Variants in ABCB6 observed in about 807,000 individuals in gnomAD.
ABCB6 encodes ATP-binding cassette sub-family B member 6.
In ABCB6, 87 loss-of-function variants were observed where a neutral mutation model predicts 99.4. The observed-to-expected ratio is 0.88, with a 90% CI of 0.74 to 1.05. ABCB6 has a LOEUF of 1.05. Among genes scored for constraint, ABCB6 ranks in the 50% least tolerant of loss-of-function variants. The pLI is 0.00. For missense variants in ABCB6, 1,050 were observed against 1,097.9 expected, an observed-to-expected ratio of 0.96 and a Z score of 0.62; for synonymous variants, 482 against 447.5, an observed-to-expected ratio of 1.08 and a Z score of -0.97.
In ABCB6 at chr2:219,212,414, GAT is replaced by G; in HGVS notation, c.1939_1940del (p.Ile647ProfsTer30). On this transcript the variant is annotated frameshift_variant, in exon 14 of 19. Transcript: ENST00000265316. LOFTEE classifies it high-confidence loss of function. Reference protein sequence around the residue: ...FRFYDISSGCIRIDGQDISQV... With the variant: ...FRFYDISSGCXRIDGQDISQV... ...GTGAAATGTCCTGCCCATCTATTCGGATGCAGCCAGAGCTGATGTCGTAGAAG... is the reference window on the plus strand; with the variant it reads ...GTGAAATGTCCTGCCCATCTATTCGGGCAGCCAGAGCTGATGTCGTAGAAG... 1 of 1,614,144 alleles carries G rather than the reference GAT, an allele frequency of 6.2e-7. No individual in the cohort carries two copies. Among genetic ancestry groups the G allele is most frequent in the Non-Finnish European group, 8.5e-7 (1 of 1,180,034 alleles).
rs748434043 is a variant in ABCB6, at chr2:219,212,526, A to C, written c.1864-35T>G. ...TGGAAATGGGAAAAATCTCAGGCCCACTGGCTTTTTTTTTGAGACCGAATC... is the reference window on the plus strand; with the variant it reads ...TGGAAATGGGAAAAATCTCAGGCCCCCTGGCTTTTTTTTTGAGACCGAATC... On this transcript the variant is annotated intron_variant, in intron 13 of 18. Transcript: ENST00000265316. 209 of 1,563,156 alleles carry C rather than the reference A, an allele frequency of 1.3e-4. No individual in the cohort carries two copies. The South Asian group carries it at 1.8e-3, about 13-fold the overall frequency.
chr2:219,216,414 G>C lies in ABCB6; in HGVS notation c.920C>G (p.Thr307Ser), dbSNP rs139745068. 5 of 1,614,076 alleles carry C rather than the reference G, an allele frequency of 3.1e-6. No homozygotes were observed. Among genetic ancestry groups the C allele is most frequent in the Non-Finnish European group, 3.4e-6 (4 of 1,179,982 alleles). Residue 307 changes from threonine (T) to serine (S), a missense_variant, in exon 4 of 19, where the codon ACC becomes AGC. Coordinates refer to ENST00000265316, the MANE Select transcript of ABCB6 (RefSeq NM_005689.4). This position sits in a 1 kb window ranked among gnomAD's most constrained non-coding sequence, Gnocchi z 4.2. ...APWNSLAWTV[T>S]SYVFLKFLQG... is the part of the protein sequence containing the mutation. ...GAGGAACTTGAGGAAGACGTAACTG[G>C]TAACAGTCCAGGCCAGAGAGTTCCA...
chr2:219,213,584 G>C lies in ABCB6; in HGVS notation c.1655+6C>G, dbSNP rs757232574. ...CTGGACAGGTGAGGGCCAGGGCTCA[G>C]ATTACCTGTAGTAGGTGCCAAACCA... On this transcript the variant is annotated splice_donor_region_variant and intron_variant, in intron 10 of 18. Transcript: ENST00000265316. The C allele has an allele frequency of 6.2e-7, 1 of 1,614,176 alleles. No homozygotes were observed. The highest frequency in any genetic ancestry group is 8.5e-7 in the Non-Finnish European group (1 of 1,180,024).
chr2:219,217,674 C>T lies in ABCB6; in HGVS notation c.683G>A (p.Ser228Asn), dbSNP rs1278660161. 1 of 1,599,400 alleles carries T rather than the reference C, an allele frequency of 6.3e-7. No homozygotes were observed. ...AAAAAAGAAACTGAGGTGTACCTGG[C>T]TCCTTTCCACATCTTGGTCCTCTTC... ...VHEEDQDVER[S>N]QVRSAAQQST... is the part of the protein sequence containing the mutation. Residue 228 changes from serine to asparagine, a missense_variant, in exon 2 of 19, where the codon AGC (serine) becomes AAC (asparagine). Physicochemically the swap from Ser to Asn is conservative, Grantham distance 46 (BLOSUM62 1). Coordinates refer to ENST00000265316, the MANE Select transcript of ABCB6 (RefSeq NM_005689.4).
chr2:219,215,902 C>T, intron 5 of ABCB6, 95 bp downstream of exon 5: 1 of 1,330,770 alleles, frequency 7.5e-7, no homozygotes, highest in South Asian at 1.7e-5. Context: ...GGAGCGGCAG[C>T]TTCTCAGGCG....
intron 13 of ABCB6, 32 bp from the exon 14 acceptor site, chr2:219,212,523 C>G (rs769024597): frequency 3.7e-5 from 58 of 1,577,136 alleles, no homozygotes; most frequent in Non-Finnish European, 1.8e-5. Flanking sequence ...AAATCTCAGG[C>G]CCACTGGCTT....
At chr2:219,214,613 C>T in intron 6 of ABCB6, 115 bp from the exon 7 acceptor site, 1 of 789,008 alleles carries the variant, frequency 1.3e-6, no homozygotes, top group Non-Finnish European at 2.1e-6. Context: ...AGCCCGGACA[C>T]CCAGATTCCA....
chr2:219,216,343 T>C lies in ABCB6; in HGVS notation c.970+21A>G, dbSNP rs1574815930. On this transcript the variant is annotated intron_variant, in intron 4 of 18. Transcript: ENST00000265316. This position sits in a 1 kb window ranked among gnomAD's most constrained non-coding sequence, Gnocchi z 4.2. ...TGGGAGGGACCTATACCTAGCAGGG[T>C]GAGGGCGGAGTCTCTCATACCTGTA... The C allele has an allele frequency of 1.2e-6, 2 of 1,607,350 alleles. No individual in the cohort carries two copies. Among genetic ancestry groups the C allele is most frequent in the Non-Finnish European group, 8.5e-7 (1 of 1,174,034 alleles).
intron 8 of ABCB6, 77 bp from the exon 9 acceptor site, chr2:219,214,028 C>T (rs1950609782): frequency 6.2e-7 from 1 of 1,612,502 alleles, no homozygotes; most frequent in Admixed American, 1.7e-5. Context: ...GCCCAGGCCC[C>T]TTCTACCCCA....
Position 219,216,600 on chromosome 2 carries a change from C to A in ABCB6, c.868+52G>T, listed in dbSNP as rs1454543298. 3.2e-6 allele frequency: 5 copies of A among 1,539,650 alleles called. No homozygotes were observed. In the African/African-American group the frequency reaches 5.5e-5, roughly 17 times the overall value. On this transcript the variant is annotated intron_variant, in intron 3 of 18. Coordinates refer to ENST00000265316, the MANE Select transcript of ABCB6 (RefSeq NM_005689.4). The surrounding 1 kb of genome is among the most constrained non-coding windows in gnomAD (Gnocchi z 4.2). ...CCTCCCTAGGTAAGGACCATCCCAG[C>A]CACCAGGCTGATGAAGGACCAGCAC...
intron 14 of ABCB6, among the ~76,000 whole-genome samples, chr2:219,212,097 A>G (rs1018093664): frequency 2.0e-5 from 3 of 151,558 alleles, no homozygotes; most frequent in Admixed American, 6.6e-5. Context: ...GTGTTTTGCC[A>G]TGTTGCCCAG....
Position 219,213,284 on chromosome 2 carries a change from C to T in ABCB6, c.1762G>A (p.Gly588Ser), listed in dbSNP as rs145526996. Reference protein sequence around the residue: ...PGAGPLRFQKGRIEFENVHFS... With the variant: ...PGAGPLRFQKSRIEFENVHFS... ...TGCACGTTCTCAAACTCAATACGGC[C>T]CTTCTGAAAGCGAAGGGGCCCTGCT... Residue 588 changes from glycine (G) to serine (S), a missense_variant, in exon 12 of 19, where the codon GGC becomes AGC. Transcript: ENST00000265316. 9,690 of 1,614,140 alleles carry T rather than the reference C, an allele frequency of 6.0e-3. 46 individuals carry two copies. The highest frequency in any genetic ancestry group is 7.2e-3 in the Non-Finnish European group (8,537 of 1,180,032).
At position 219,213,644 on chromosome 2, in the gene ABCB6, C is replaced by CA. The variant is rs773159320; in HGVS notation, c.1600_1601insT (p.Gly534ValfsTer27). ...CATGTACAGCTGGATAATGTAGGTG[C>CA]CAAAGAGCACATAGTCCCCAACCTG... On this transcript the variant is annotated frameshift_variant, in exon 10 of 19. Transcript: ENST00000265316. LOFTEE classifies it high-confidence loss of function. 1.9e-6 allele frequency: 3 copies of CA among 1,614,072 alleles called. No homozygotes were observed. The highest frequency in any genetic ancestry group is 4.5e-5 in the East Asian group (2 of 44,890).
intron 2 of ABCB6, 145 bp downstream of exon 2, chr2:219,217,525 T>C: frequency 1.6e-6 from 1 of 615,702 alleles, no homozygotes; most frequent in Non-Finnish European, 2.9e-6. Context: ...GCACCTGTAG[T>C]CCCAGCTACT....
At chr2:219,217,055 C>G (rs1264608834) in intron 2 of ABCB6, among the ~76,000 whole-genome samples, 1 of 152,168 alleles carries the variant, frequency 6.6e-6, no homozygotes, top group Non-Finnish European at 1.5e-5. Flanking sequence ...GAAGAGACTC[C>G]AGGATTCAGA....
In ABCB6 at chr2:219,216,730, CCAG is replaced by C. The variant is rs768730975; in HGVS notation, c.787_789del (p.Leu263del). The C allele has an allele frequency of 1.2e-6, 2 of 1,606,540 alleles. No individual in the cohort carries two copies. Among genetic ancestry groups the C allele is most frequent in the East Asian group, 4.5e-5 (2 of 44,486 alleles). On this transcript the variant is annotated inframe_deletion, in exon 3 of 19. Transcript: ENST00000265316. This position sits in a 1 kb window ranked among gnomAD's most constrained non-coding sequence, Gnocchi z 4.2. ...ATGAGCCCCAGGCAGATGAGCACCA[CCAG>C]CTGCAGAGCTGGACTCCCTCGAGGC...
At chr2:219,211,621 C>CTTTTTTTTTTTTTTTTTT (rs34408255) in intron 14 of ABCB6, among the ~76,000 whole-genome samples, 21 of 87,834 alleles carry the variant, frequency 2.4e-4, no homozygotes, top group Non-Finnish European at 3.5e-4. Flanking sequence ...ATCGTTGTAC[C>CTTTTTTTTTTTTTTTTTT]TTTTTTTTTT....
At chr2:219,215,834 C>G (rs996929532) in intron 5 of ABCB6, 163 bp downstream of exon 5, 5 of 684,610 alleles carry the variant, frequency 7.3e-6, no homozygotes, top group South Asian at 7.1e-5. Flanking sequence ...CCCGCATTAC[C>G]TAAGTTATTA....
In ABCB6 at chr2:219,213,478, G is replaced by A. The variant is rs754049443; in HGVS notation, c.1680C>T (p.Asp560=). ...YYRMIQTNFI[D]MENMFDLLKE... ...TCAGCAAGTCAAACATGTTCTCCAT[G>A]TCAATGAAGTTGGTCTGGATCATCC... The change falls in exon 11 of 19, where the codon GAC becomes GAT. Residue 560 remains aspartate (D), a synonymous_variant. Transcript: ENST00000265316. The A allele has an allele frequency of 8.1e-6, 13 of 1,614,072 alleles. No homozygotes were observed. Among genetic ancestry groups the A allele is most frequent in the Admixed American group, 1.7e-5 (1 of 59,998 alleles).
Sources: gnomAD v4.1 joint callset for allele counts (sites outside exome capture counted in the v4.1 genomes callset) on GRCh38, gnomAD v4.1.1 for gene constraint, Gnocchi (gnomAD v3.1) non-coding constraint, MANE v1.5 for transcripts, NCBI Gene and HGNC (gene_info 2026-07-23, HGNC 2026-07-21) for gene names.